The following TAFA5 variants were observed in gnomAD, a reference collection of about 807,000 sequenced individuals.
TAFA5 encodes the protein TAFA chemokine like family member 5.
TAFA5 carries 6 observed loss-of-function variants against 15.3 expected under a neutral mutation model. That is an observed-to-expected ratio of 0.39 (90% CI 0.21 to 0.77). The LOEUF (loss-of-function observed/expected upper bound fraction) is 0.77. TAFA5 is among the 30% of genes least tolerant of loss of function. TAFA5 has a pLI of 0.41. For missense variants in TAFA5, 161 were observed against 193.1 expected (o/e 0.83, Z 0.98); for synonymous variants, 103 against 80.7 (o/e 1.28, Z -1.48).
intron 2 of TAFA5, among the ~76,000 whole-genome samples, chr22:48,692,722 A>G (rs1006921830): frequency 9.9e-5 from 15 of 152,260 alleles, no homozygotes; most frequent in Non-Finnish European, 1.9e-4. Context: ...GTGGAGTAGT[A>G]TTTAAAACGC....
At chr22:48,605,625 T>C (rs1025305512) in intron 1 of TAFA5, among the ~76,000 whole-genome samples, 1 of 152,180 alleles carries the variant, frequency 6.6e-6, no homozygotes, top group African/African-American at 2.4e-5. Flanking sequence ...CTGCGAGATA[T>C]CTGAAGTTTT....
chr22:48,698,093 ATGGTGG>A (rs1242122487), intron 2 of TAFA5, among the ~76,000 whole-genome samples: 2 of 134,842 alleles, frequency 1.5e-5, no homozygotes, highest in Non-Finnish European at 3.2e-5. Context: ...GGTGGTGATA[ATGGTGG>A]TGGTGGTGGT....
intron 1 of TAFA5, among the ~76,000 whole-genome samples, chr22:48,524,729 G>T (rs953330995): frequency 6.6e-6 from 1 of 152,126 alleles, no homozygotes; most frequent in Non-Finnish European, 1.5e-5. Context: ...ACCCTGCACC[G>T]AGCTTCCCCA....
intron 3 of TAFA5, among the ~76,000 whole-genome samples, chr22:48,727,900 C>T (rs1929757207): frequency 6.6e-6 from 1 of 152,232 alleles, no homozygotes; most frequent in South Asian, 2.1e-4. Flanking sequence ...AATCATTATG[C>T]ACTGATTAGC....
At position 48,560,590 on chromosome 22, in the gene TAFA5, T is replaced by C. The variant is rs201978380; in HGVS notation, c.112+70886T>C. On this transcript the variant is annotated intron_variant, in intron 1 of 3. Transcript: ENST00000402357. The surrounding 1 kb of genome is among the most constrained non-coding windows in gnomAD (Gnocchi z 4.2). ...ATTTTATTATTATTATTATTATTAT[T>C]ATATTATTATTATTAATTATTTATT... is the stretch of plus-strand genomic sequence containing the variant. 5.0e-5 allele frequency among the ~76,000 whole-genome samples: 1 copy of C among 19,910 alleles called. No individual in the cohort carries two copies. The highest frequency in any genetic ancestry group is 1.1e-4 in the African/African-American group (1 of 8,980). 13.1% of individuals were successfully genotyped at this position (19,910 alleles called of 152,430 possible).
chr22:48,524,356 G>A (rs1166584759), intron 1 of TAFA5, among the ~76,000 whole-genome samples: 1 of 152,228 alleles, frequency 6.6e-6, no homozygotes, highest in Non-Finnish European at 1.5e-5. Flanking sequence ...GCTCCATGCA[G>A]ACCTCAGGGA....
chr22:48,674,223 A>G (rs1927896222), intron 2 of TAFA5, among the ~76,000 whole-genome samples: 1 of 152,056 alleles, frequency 6.6e-6, no homozygotes, highest in Non-Finnish European at 1.5e-5. Context: ...GGCTGCAGGC[A>G]CCCTTCTAGC....
intron 3 of TAFA5, among the ~76,000 whole-genome samples, chr22:48,722,691 C>G (rs931006200): frequency 2.6e-5 from 4 of 152,186 alleles, no homozygotes; most frequent in Admixed American, 2.0e-4. Context: ...TACCCCAGAA[C>G]TTAAAGTATA....
chr22:48,575,337 G>A (rs1923730488), intron 1 of TAFA5, among the ~76,000 whole-genome samples: 1 of 150,930 alleles, frequency 6.6e-6, no homozygotes, highest in Non-Finnish European at 1.5e-5. Context: ...GGGTCCCCGG[G>A]GTCCCTCGCG....
intron 1 of TAFA5, among the ~76,000 whole-genome samples, chr22:48,508,849 T>C (rs1405784643): frequency 6.6e-6 from 1 of 152,174 alleles, no homozygotes; most frequent in Non-Finnish European, 1.5e-5. Flanking sequence ...TCCAGGTTTC[T>C]TAACATCTGC....
Position 48,507,180 on chromosome 22 carries a change from T to TGGA in TAFA5, c.112+17478_112+17480dup, listed in dbSNP as rs200911706. On this transcript the variant is annotated intron_variant, in intron 1 of 3. Transcript: ENST00000402357. ...GGCCGCAAAGGGCCAGGTGTGTAGTTGGAGAAGGAGACGGCCGCCAAGGGC... is the reference window on the plus strand; with the variant it reads ...GGCCGCAAAGGGCCAGGTGTGTAGTTGGAGGAGAAGGAGACGGCCGCCAAGGGC... 6.8e-3 allele frequency among the ~76,000 whole-genome samples: 663 copies of TGGA among 97,332 alleles called. 9 individuals are homozygous for TGGA. Among genetic ancestry groups the TGGA allele is most frequent in the Admixed American group, 9.8e-3 (112 of 11,412 alleles). 63.9% of individuals were successfully genotyped at this position (97,332 alleles called of 152,430 possible).
chr22:48,509,722 C>T (rs915054937), intron 1 of TAFA5, among the ~76,000 whole-genome samples: 3 of 152,070 alleles, frequency 2.0e-5, no homozygotes, highest in Non-Finnish European at 2.9e-5. Flanking sequence ...GAGGCTGAGG[C>T]GGGCGGATCA....
intron 1 of TAFA5, among the ~76,000 whole-genome samples, chr22:48,535,723 C>G (rs144987239): frequency 6.7e-6 from 1 of 149,796 alleles, no homozygotes; most frequent in African/African-American, 2.5e-5. Flanking sequence ...ATCACACACA[C>G]AGTCACACCG....
At chr22:48,573,439 G>T (rs1187541943) in intron 1 of TAFA5, among the ~76,000 whole-genome samples, 1 of 152,192 alleles carries the variant, frequency 6.6e-6, no homozygotes, top group Non-Finnish European at 1.5e-5. Context: ...GATGTGTGTT[G>T]GTTTTATCTG....
chr22:48,635,867 CTTTT>C (rs954345885), intron 1 of TAFA5, among the ~76,000 whole-genome samples: 7 of 152,218 alleles, frequency 4.6e-5, no homozygotes, highest in African/African-American at 1.4e-4. Context: ...GCCATTGTTG[CTTTT>C]TTATTTGTAG....
chr22:48,736,328 A>G (rs761037385), intron 3 of TAFA5, among the ~76,000 whole-genome samples: 2 of 28,610 alleles, frequency 7.0e-5, no homozygotes, highest in East Asian at 3.8e-4. Flanking sequence ...GCACTCCTAG[A>G]GTCCATCCCC....
intron 3 of TAFA5, among the ~76,000 whole-genome samples, chr22:48,739,533 C>G (rs911431206): frequency 3.3e-5 from 5 of 152,106 alleles, no homozygotes; most frequent in East Asian, 1.9e-4. Context: ...GCCTTCAGCC[C>G]GAGGACACCT....
At chr22:48,542,074 CGTGTGTGTGT>C (rs1046101440) in intron 1 of TAFA5, among the ~76,000 whole-genome samples, 13 of 140,118 alleles carry the variant, frequency 9.3e-5, no homozygotes. Flanking sequence ...TGTGTGTGTG[CGTGTGTGTGT>C]GTGCATGTGT....
chr22:48,585,537 A>G (rs1924318561), intron 1 of TAFA5, among the ~76,000 whole-genome samples: 1 of 151,458 alleles, frequency 6.6e-6, no homozygotes, highest in African/African-American at 2.4e-5. Flanking sequence ...CCACTCACAA[A>G]AAACATCACA....
Sources: allele counts gnomAD v4.1 joint callset (sites outside exome capture counted in the v4.1 genomes callset), GRCh38; gene constraint gnomAD v4.1.1; non-coding constraint Gnocchi (gnomAD v3.1); transcripts MANE v1.5; gene names NCBI Gene and HGNC (gene_info 2026-07-23, HGNC 2026-07-21).